Variants in MINDY4 observed in about 807,000 individuals in gnomAD.
MINDY4 encodes the protein probable ubiquitin carboxyl-terminal hydrolase MINDY-4.
MINDY4 carries 68 observed loss-of-function variants against 87.0 expected under a neutral mutation model. That is an observed-to-expected ratio of 0.78 (90% CI 0.64 to 0.96). The LOEUF (loss-of-function observed/expected upper bound fraction) is 0.96. Ranked by LOEUF, MINDY4 falls within the 40% of genes least tolerant of loss-of-function variation. MINDY4 has a pLI of 0.00. For missense variants in MINDY4, 919 were observed against 928.2 expected (o/e 0.99, Z 0.13); for synonymous variants, 379 against 363.2 (o/e 1.04, Z -0.50).
In MINDY4 at chr7:30,828,677, A is replaced by C; in HGVS notation, c.1074-2A>C. 3.7e-6 allele frequency: 6 copies of C among 1,613,934 alleles called. No individual in the cohort carries two copies. The Admixed American group carries it at 6.7e-5, about 18-fold the overall frequency. On this transcript the variant is annotated splice_acceptor_variant, in intron 5 of 17. Transcript: ENST00000265299. LOFTEE classifies it high-confidence loss of function. Reference sequence around the variant, plus strand: ...GGTACATTGATATTTTCTATTTTCCAGGAAAAATCAGTTGCTGCCGTCTGA... The same window carrying C: ...GGTACATTGATATTTTCTATTTTCCCGGAAAAATCAGTTGCTGCCGTCTGA...
chr7:30,872,784 C>T lies in MINDY4; in HGVS notation c.1809+478C>T, dbSNP rs919691643. Among the ~76,000 whole-genome samples the T allele has an allele frequency of 2.0e-5, 3 of 152,226 alleles. No homozygotes were observed. The East Asian group carries it at 5.8e-4, about 29-fold the overall frequency. The stretch of plus-strand genomic sequence containing the variant: ...ATGGACCTCACAGGGGCAAAGAAGA[C>T]CCTGAGCACAGTTGCTTGTCATCAG... On this transcript the variant is annotated intron_variant, in intron 14 of 17. Coordinates refer to ENST00000265299, the MANE Select transcript of MINDY4 (RefSeq NM_032222.3).
intron 2 of MINDY4, chr7:30,779,627 T>C (rs1049826643): frequency 7.2e-5 from 11 of 152,188 alleles, no homozygotes; most frequent in African/African-American, 2.4e-4. Context: ...GCGTCCAGCT[T>C]TAAACCACTG....
intron 17 of MINDY4, among the ~76,000 whole-genome samples, chr7:30,887,707 T>A (rs1301935572): frequency 6.6e-6 from 1 of 152,186 alleles, no homozygotes; most frequent in Non-Finnish European, 1.5e-5. Flanking sequence ...ACCTGCCACC[T>A]CCACCTGGAG....
intron 16 of MINDY4, 26 bp from the exon 17 acceptor site, chr7:30,882,893 ATG>A (rs1368379682): frequency 6.9e-7 from 1 of 1,459,332 alleles, no homozygotes; most frequent in African/African-American, 2.5e-5. Flanking sequence ...CCTGGGTGAC[ATG>A]TGTGTGCCTC....
At chr7:30,859,226 G>A in intron 12 of MINDY4, 31 bp from the exon 13 acceptor site, 2 of 1,605,854 alleles carry the variant, frequency 1.2e-6, no homozygotes, top group Non-Finnish European at 1.7e-6. Flanking sequence ...GTGCAAATGG[G>A]ATGGAGCTCA....
Position 30,783,629 on chromosome 7 carries a change from G to T in MINDY4, c.419+1417G>T, listed in dbSNP as rs147053047. On this transcript the variant is annotated intron_variant, in intron 3 of 17. Transcript: ENST00000265299. ...GGGGATCAGGATGTGAAAATCTTTG[G>T]GGGGGTCACTATTCAACTTCCCACG... Among the ~76,000 whole-genome samples, 1,073 of 152,200 alleles carry T rather than the reference G, an allele frequency of 7.0e-3. 13 individuals carry two copies. Among genetic ancestry groups the T allele is most frequent in the African/African-American group, 0.024 (1,012 of 41,510 alleles).
intron 9 of MINDY4, among the ~76,000 whole-genome samples, chr7:30,845,058 CCT>C (rs907930274): frequency 1.8e-4 from 28 of 152,132 alleles, no homozygotes; most frequent in Non-Finnish European, 3.7e-4. Flanking sequence ...ACCTGGTGCC[CCT>C]GTGTCACATT....
At chr7:30,829,931 T>C (rs1453358705) in intron 6 of MINDY4, among the ~76,000 whole-genome samples, 1 of 152,118 alleles carries the variant, frequency 6.6e-6, no homozygotes, top group Non-Finnish European at 1.5e-5. Context: ...TGTGTGCATG[T>C]TTTCTGGAGG....
intron 5 of MINDY4, among the ~76,000 whole-genome samples, chr7:30,818,964 C>G (rs1260058925): frequency 6.6e-6 from 1 of 152,156 alleles, no homozygotes; most frequent in African/African-American, 2.4e-5. Context: ...ATACTCTCTT[C>G]TCTTTATCAA....
intron 9 of MINDY4, 42 bp downstream of exon 9, chr7:30,840,890 T>A (rs1282342239): frequency 6.4e-7 from 1 of 1,567,256 alleles, no homozygotes; most frequent in Admixed American, 1.7e-5. Flanking sequence ...TTTTCCCAAG[T>A]CTTCCCCAGA....
At chr7:30,851,196 A>G (rs906750985) in intron 10 of MINDY4, among the ~76,000 whole-genome samples, 1 of 152,186 alleles carries the variant, frequency 6.6e-6, no homozygotes, top group Non-Finnish European at 1.5e-5. Context: ...GTATAAGGAG[A>G]TCACTTTTGG....
In MINDY4 at chr7:30,851,999, CT is replaced by C. The variant is rs368538211; in HGVS notation, c.1548-207del. On this transcript the variant is annotated intron_variant, in intron 10 of 17. Transcript: ENST00000265299. ...TCCCTTTGCAGTCTTTTTTCCATTT[CT>C]TTTTTTTTTCTTTTAAATCCTGCTA... Among the ~76,000 whole-genome samples, 101 of 150,150 alleles carry C rather than the reference CT, an allele frequency of 6.7e-4. 2 individuals carry two copies. Among genetic ancestry groups the C allele is most frequent in the African/African-American group, 2.3e-3 (93 of 40,916 alleles).
chr7:30,791,451 A>G lies in MINDY4; in HGVS notation c.950A>G (p.Asp317Gly), dbSNP rs1787319760. The G allele has an allele frequency of 3.1e-6, 5 of 1,613,982 alleles. No individual in the cohort carries two copies. Among genetic ancestry groups the G allele is most frequent in the Non-Finnish European group, 4.2e-6 (5 of 1,180,026 alleles). Reference protein sequence around the residue: ...RDPSEDTPAVDGSTDTDRMPL... With the variant: ...RDPSEDTPAVGGSTDTDRMPL... ...CCCTCCGAGGACACCCCAGCAGTGG[A>G]CGGCAGCACAGACACGGACAGGATG... is the stretch of plus-strand genomic sequence containing the variant. The change falls in exon 5 of 18, where the codon GAC becomes GGC. Residue 317 changes from aspartate (D) to glycine (G), a missense_variant. Asp to Gly is a moderately conservative substitution (Grantham distance 94, BLOSUM62 -1). Transcript: ENST00000265299.
intron 6 of MINDY4, among the ~76,000 whole-genome samples, chr7:30,830,165 G>C (rs1030188379): frequency 6.6e-6 from 1 of 152,144 alleles, no homozygotes; most frequent in African/African-American, 2.4e-5. Flanking sequence ...ATTTTACTTT[G>C]GTTCGATTCA....
intron 12 of MINDY4, among the ~76,000 whole-genome samples, chr7:30,856,685 A>G (rs905370406): frequency 9.2e-5 from 14 of 151,970 alleles, no homozygotes; most frequent in African/African-American, 3.4e-4. Context: ...AGAAGGAGAA[A>G]CTGAGACCAA....
At chr7:30,855,278 C>A (rs1346650882) in intron 12 of MINDY4, among the ~76,000 whole-genome samples, 5 of 152,230 alleles carry the variant, frequency 3.3e-5, no homozygotes, top group African/African-American at 4.8e-5. Flanking sequence ...CAAAGAAGAA[C>A]CTTAAACACT....
At chr7:30,887,731 C>A (rs1277732754) in intron 17 of MINDY4, among the ~76,000 whole-genome samples, 1 of 152,242 alleles carries the variant, frequency 6.6e-6, no homozygotes. Flanking sequence ...AGGCTGCAGG[C>A]ACTGGTTAAA....
rs1786630101 is a variant in MINDY4, at chr7:30,771,463, G to A, written c.-31G>A. On this transcript the variant is annotated 5_prime_UTR_variant, in exon 1 of 18. Coordinates refer to ENST00000265299, the MANE Select transcript of MINDY4 (RefSeq NM_032222.3). ...GTTGCCTGGTGCTGCGGCCCGGCGT[G>A]GGCCTCGTGGGCAGAGCCAGAGCCA... 1 of 1,592,148 alleles carries A rather than the reference G, an allele frequency of 6.3e-7. No homozygotes were observed. Among genetic ancestry groups the A allele is most frequent in the Non-Finnish European group, 8.5e-7 (1 of 1,170,992 alleles).
intron 5 of MINDY4, among the ~76,000 whole-genome samples, chr7:30,805,040 G>A (rs541042355): frequency 6.6e-6 from 1 of 152,382 alleles, no homozygotes; most frequent in East Asian, 1.9e-4. Flanking sequence ...AGGCAATAGA[G>A]AGGGATAGAA....
Sources: allele counts gnomAD v4.1 joint callset (sites outside exome capture counted in the v4.1 genomes callset), GRCh38; gene constraint gnomAD v4.1.1; transcripts MANE v1.5; gene names NCBI Gene and HGNC (gene_info 2026-07-23, HGNC 2026-07-21).